The following NRG1 variants were observed in gnomAD, a reference collection of about 807,000 sequenced individuals.
The protein encoded by NRG1 is pro-neuregulin-1, membrane-bound isoform.
Under a neutral mutation model 63.8 loss-of-function variants are expected in NRG1, and 18 were observed. That is an observed-to-expected ratio of 0.28 (90% confidence interval 0.19 to 0.42). The LOEUF is 0.42. NRG1 is among the 10% of genes least tolerant of loss of function. The pLI is 1.00. For missense variants in NRG1, 762 were observed against 814.7 expected (o/e 0.94, Z 0.79); for synonymous variants, 302 against 301.3 (o/e 1.00, Z -0.02).
intron 1 of NRG1, among the ~76,000 whole-genome samples, chr8:31,686,310 T>A (rs955926617): frequency 2.6e-5 from 4 of 152,204 alleles, no homozygotes; most frequent in Admixed American, 2.0e-4. Context: ...TGTCATGTCC[T>A]CTGTGACATG....
intron 1 of NRG1, among the ~76,000 whole-genome samples, chr8:32,259,162 A>G (rs779831778): frequency 6.6e-6 from 1 of 152,168 alleles, no homozygotes; most frequent in Non-Finnish European, 1.5e-5. Context: ...AATGAGAAAA[A>G]CCAAGTAAGT....
At chr8:31,742,815 G>T (rs1815434289) in intron 1 of NRG1, among the ~76,000 whole-genome samples, 1 of 151,862 alleles carries the variant, frequency 6.6e-6, no homozygotes, top group Non-Finnish European at 1.5e-5. Flanking sequence ...GAAAGAATGG[G>T]GGCTTGCACA....
At chr8:32,178,804 G>C (rs1284408143) in intron 1 of NRG1, among the ~76,000 whole-genome samples, 2 of 151,896 alleles carry the variant, frequency 1.3e-5, no homozygotes, top group African/African-American at 4.8e-5. Flanking sequence ...GATAAAACTT[G>C]GTGATTTATT....
At position 31,975,035 on chromosome 8, in the gene NRG1, G is replaced by T. The variant is rs185907412; in HGVS notation, c.37+335604G>T. Among the ~76,000 whole-genome samples the T allele has an allele frequency of 2.5e-3, 378 of 152,094 alleles. 1 individual carries two copies. The highest frequency in any genetic ancestry group is 3.3e-3 in the Non-Finnish European group (227 of 67,984). Reference sequence around the variant, plus strand: ...AGTTCAGAAGCAGGACTAGGTTCTGGGTCTTTACTGTGTATGTCATCTTTT... The same window carrying T: ...AGTTCAGAAGCAGGACTAGGTTCTGTGTCTTTACTGTGTATGTCATCTTTT... On this transcript the variant is annotated intron_variant, in intron 1 of 10. Transcript: ENST00000519301.
At chr8:31,717,313 A>G (rs1812448305) in intron 1 of NRG1, among the ~76,000 whole-genome samples, 1 of 151,846 alleles carries the variant, frequency 6.6e-6, no homozygotes, top group Non-Finnish European at 1.5e-5. Context: ...AGGCTGAGCC[A>G]GGAGAATCAC....
chr8:32,727,922 A>G (rs369757466), intron 5 of NRG1, 27 bp from the exon 6 acceptor site: 157 of 1,612,000 alleles, frequency 9.7e-5, no homozygotes, highest in Non-Finnish European at 9.2e-5. Context: ...AGTCCATGTT[A>G]ACCTTTCTCC....
At position 32,550,126 on chromosome 8, in the gene NRG1, A is replaced by T. The variant is rs558262126; in HGVS notation, c.100+1300A>T. ...TTCAGCAGAGTTTTGAGCAAAACAG[A>T]AATTGAACAGAGAGTAATTGTTTCA... On this transcript the variant is annotated intron_variant, in intron 1 of 11. Transcript: ENST00000356819. Among the ~76,000 whole-genome samples the T allele has an allele frequency of 3.3e-5, 5 of 152,302 alleles. No individual in the cohort carries two copies. The East Asian group carries it at 9.7e-4, about 29-fold the overall frequency.
chr8:32,556,552 G>T (rs183161028), intron 1 of NRG1, among the ~76,000 whole-genome samples: 118 of 152,300 alleles, frequency 7.7e-4, no homozygotes, highest in Non-Finnish European at 1.1e-3. Flanking sequence ...ATGGAAGATT[G>T]CTGAATAATC....
chr8:32,008,238 C>T (rs1277617115), intron 1 of NRG1, among the ~76,000 whole-genome samples: 3 of 151,980 alleles, frequency 2.0e-5, no homozygotes, highest in Non-Finnish European at 4.4e-5. Context: ...CCCAGAGTGT[C>T]GATTGCATGA....
intron 1 of NRG1, among the ~76,000 whole-genome samples, chr8:32,477,814 C>T (rs1338246393): frequency 1.3e-5 from 2 of 152,184 alleles, no homozygotes; most frequent in Admixed American, 1.3e-4. Flanking sequence ...TGGTCTCTCA[C>T]AATACATAGT....
At chr8:32,021,555 C>G (rs1816450138) in intron 1 of NRG1, among the ~76,000 whole-genome samples, 1 of 152,108 alleles carries the variant, frequency 6.6e-6, no homozygotes, top group Admixed American at 6.5e-5. Flanking sequence ...CACTGGGGAT[C>G]AAATTTCAAT....
rs116140266 is a variant in NRG1 at position 32,165,261 on chromosome 8, T to C, written c.38-430567T>C. Among the ~76,000 whole-genome samples, 467 of 152,024 alleles carry C rather than the reference T, an allele frequency of 3.1e-3. 2 individuals are homozygous for C. Among genetic ancestry groups the C allele is most frequent in the African/African-American group, 0.011 (445 of 41,490 alleles). ...TCAAACAATCTTCCTACCTCAGCCTTCTGAGTAACTGGGACTACAGGCATA... is the reference window on the plus strand; with the variant it reads ...TCAAACAATCTTCCTACCTCAGCCTCCTGAGTAACTGGGACTACAGGCATA... On this transcript the variant is annotated intron_variant, in intron 1 of 10. Coordinates refer to the NRG1 transcript ENST00000519301.
intron 1 of NRG1, among the ~76,000 whole-genome samples, chr8:32,259,289 C>CCCT (rs1218854997): frequency 6.6e-6 from 1 of 152,200 alleles, no homozygotes; most frequent in Non-Finnish European, 1.5e-5. Flanking sequence ...GGCGATTAGG[C>CCCT]CATGAGGGCT....
At chr8:32,758,112 C>T (rs1181463240) in intron 9 of NRG1, among the ~76,000 whole-genome samples, 3 of 152,084 alleles carry the variant, frequency 2.0e-5, no homozygotes, top group African/African-American at 4.8e-5. Context: ...GCCCGCAGAC[C>T]GTCAGATTAT....
intron 1 of NRG1, among the ~76,000 whole-genome samples, chr8:31,837,323 C>T (rs537561554): frequency 5.3e-5 from 8 of 151,956 alleles, no homozygotes; most frequent in Admixed American, 1.3e-4. Flanking sequence ...AGAGACCTTC[C>T]TCATTCTGAG....
At chr8:31,712,929 A>G (rs1414351668) in intron 1 of NRG1, among the ~76,000 whole-genome samples, 1 of 151,570 alleles carries the variant, frequency 6.6e-6, no homozygotes, top group African/African-American at 2.4e-5. Context: ...CTGTCTGTCT[A>G]TTATGAATCA....
chr8:32,149,135 C>T (rs1474366233), intron 1 of NRG1, among the ~76,000 whole-genome samples: 1 of 152,128 alleles, frequency 6.6e-6, no homozygotes, highest in African/African-American at 2.4e-5. Context: ...TTTCCTGCTT[C>T]TCCAAAAGAT....
At chr8:32,608,857 G>A (rs1038974952) in intron 3 of NRG1, among the ~76,000 whole-genome samples, 1 of 152,062 alleles carries the variant, frequency 6.6e-6, no homozygotes, top group Non-Finnish European at 1.5e-5. Flanking sequence ...ATTCTTCATG[G>A]CAATTTCAGG....
intron 1 of NRG1, among the ~76,000 whole-genome samples, chr8:32,218,625 A>G (rs1001366090): frequency 6.6e-6 from 1 of 152,366 alleles, no homozygotes; most frequent in East Asian, 1.9e-4. Context: ...CCAGAGAAGC[A>G]GCGGCTTTCA....
Sources: gnomAD v4.1 joint callset for allele counts (sites outside exome capture counted in the v4.1 genomes callset) on GRCh38, gnomAD v4.1.1 for gene constraint, MANE v1.5 for transcripts, NCBI Gene and HGNC (gene_info 2026-07-23, HGNC 2026-07-21) for gene names.